SLC5A8: variants seen among roughly 807,000 people sequenced by gnomAD.
The protein encoded by SLC5A8 is solute carrier family 5 member 8, also known as sodium-coupled monocarboxylate transporter 1.
Under a neutral mutation model 71.9 loss-of-function variants are expected in SLC5A8, and 55 were observed. That is an observed-to-expected ratio of 0.77 (90% CI 0.62 to 0.96). SLC5A8 has a LOEUF of 0.96. Ranked by LOEUF, SLC5A8 falls within the 40% of genes least tolerant of loss-of-function variation. The probability of loss-of-function intolerance (pLI) is 0.00; values close to 1 mark genes in which losing one functional copy is unlikely to be tolerated. For missense variants in SLC5A8, 701 were observed against 745.3 expected (o/e 0.94, Z 0.69); for synonymous variants, 307 against 276.1 (o/e 1.11, Z -1.11).
At chr12:101,171,687 CCAAGTCT>C (rs2051831322) in intron 10 of SLC5A8, among the ~76,000 whole-genome samples, 1 of 152,084 alleles carries the variant, frequency 6.6e-6, no homozygotes, top group African/African-American at 2.4e-5. Flanking sequence ...CAGGTAGCGA[CCAAGTCT>C]GGACGGGAAG....
intron 10 of SLC5A8, among the ~76,000 whole-genome samples, chr12:101,175,314 G>A (rs2051869471): frequency 6.6e-6 from 1 of 152,090 alleles, no homozygotes; most frequent in Non-Finnish European, 1.5e-5. Flanking sequence ...TCAGGGATCT[G>A]TAGAACTATA....
At chr12:101,205,832 T>A (rs1179632367) in intron 1 of SLC5A8, among the ~76,000 whole-genome samples, 2 of 152,232 alleles carry the variant, frequency 1.3e-5, no homozygotes, top group Admixed American at 1.3e-4. Flanking sequence ...TTTTTCTGCA[T>A]ATATAAGTAA....
rs759926672 is a variant in SLC5A8, at chr12:101,195,168, GA to G, written c.470-7del. 5 of 1,613,264 alleles carry G rather than the reference GA, an allele frequency of 3.1e-6. No homozygotes were observed. Among genetic ancestry groups the G allele is most frequent in the African/African-American group, 2.7e-5 (2 of 74,804 alleles). On this transcript the variant is annotated splice_polypyrimidine_tract_variant and splice_region_variant and intron_variant, in intron 3 of 14. Transcript: ENST00000536262. ...CCACAGATCAAATCCTGTGACTGTA[GA>G]AAAAAATAGAATGCATATATAATTG... is the stretch of plus-strand genomic sequence containing the variant.
At chr12:101,193,359 A>G (rs988534263) in intron 5 of SLC5A8, among the ~76,000 whole-genome samples, 1 of 152,136 alleles carries the variant, frequency 6.6e-6, no homozygotes, top group African/African-American at 2.4e-5. Flanking sequence ...TAATACCTGG[A>G]AGAAAATACT....
chr12:101,167,354 T>C (rs139321921), intron 11 of SLC5A8, among the ~76,000 whole-genome samples: 4 of 152,322 alleles, frequency 2.6e-5, no homozygotes, highest in African/African-American at 9.6e-5. Context: ...CCTAATGCCT[T>C]ATAAGGAAAA....
chr12:101,203,182 C>G (rs1302765687), intron 2 of SLC5A8, among the ~76,000 whole-genome samples: 1 of 152,192 alleles, frequency 6.6e-6, no homozygotes, highest in Non-Finnish European at 1.5e-5. Context: ...TGCAAGCTAC[C>G]AGGCTCAAGT....
At chr12:101,158,584 CTCTCTCTCTCTCTCTA>C (rs1372185478) in intron 13 of SLC5A8, among the ~76,000 whole-genome samples, 40 of 46,806 alleles carry the variant, frequency 8.5e-4, no homozygotes, top group African/African-American at 2.2e-3. Flanking sequence ...CTCTCTCTCT[CTCTCTCTCTCTCTCTA>C]TATATATATA....
In SLC5A8 at chr12:101,186,513, A is replaced by G. The variant is rs149406196; in HGVS notation, c.963+873T>C. ...AGAACTCAGGCTTTAGGGTTGGGCA[A>G]TCCTGTGTTTGAATTCTAGTTCCCC... On this transcript the variant is annotated intron_variant, in intron 7 of 14. Coordinates refer to ENST00000536262, the MANE Select transcript of SLC5A8 (RefSeq NM_145913.5). Among the ~76,000 whole-genome samples, 659 of 152,312 alleles carry G rather than the reference A, an allele frequency of 4.3e-3. 5 individuals are homozygous for G. Among genetic ancestry groups the G allele is most frequent in the African/African-American group, 0.014 (601 of 41,556 alleles).
chr12:101,195,540 G>A (rs746804890), intron 3 of SLC5A8, among the ~76,000 whole-genome samples: 1 of 152,052 alleles, frequency 6.6e-6, no homozygotes, highest in African/African-American at 2.4e-5. Context: ...CTGAATTTGA[G>A]GATAATGTAT....
At chr12:101,168,618 A>G (rs1039133417) in intron 10 of SLC5A8, among the ~76,000 whole-genome samples, 1 of 152,214 alleles carries the variant, frequency 6.6e-6, no homozygotes, top group East Asian at 1.9e-4. Context: ...CCCATTTGCC[A>G]TTCCTGATTT....
chr12:101,187,244 T>C lies in SLC5A8; in HGVS notation c.963+142A>G, dbSNP rs1335006377. 35 of 950,108 alleles carry C rather than the reference T, an allele frequency of 3.7e-5. No individual in the cohort carries two copies. In the South Asian group the frequency reaches 7.4e-4, roughly 20 times the overall value. The allele number at this position is 950,108 out of a possible 1,614,324, so 58.9% of individuals were successfully genotyped here. On this transcript the variant is annotated intron_variant, in intron 7 of 14. Transcript: ENST00000536262. ...TGCTATATCTGCTAAAATAAATTCT[T>C]AACAAAGTTTTATAGAAATGTAAGA...
In SLC5A8 at chr12:101,166,714, T is replaced by C. The variant is rs77695900; in HGVS notation, c.1321-15A>G. The C allele has an allele frequency of 1.1e-3, 1,650 of 1,568,548 alleles. 12 individuals carry two copies. The African/African-American group carries it at 0.019, about 18-fold the overall frequency. On this transcript the variant is annotated splice_polypyrimidine_tract_variant and intron_variant, in intron 11 of 14. Transcript: ENST00000536262. Reference sequence around the variant, plus strand: ...ACAAGTGCTCCCTGTAAAACAAGAATGCCTTTAAAAGAAAAATAATACAAT... The same window carrying C: ...ACAAGTGCTCCCTGTAAAACAAGAACGCCTTTAAAAGAAAAATAATACAAT...
In SLC5A8 at chr12:101,157,313, T is replaced by G. The variant is rs776935844; in HGVS notation, c.1799A>C (p.Asp600Ala). 1.2e-6 allele frequency: 2 copies of G among 1,613,626 alleles called. No individual in the cohort carries two copies. The highest frequency in any genetic ancestry group is 2.2e-5 in the South Asian group (2 of 91,034). Residue 600 changes from aspartate to alanine, a missense_variant, in exon 15 of 15, where the codon GAT becomes GCT. Coordinates refer to ENST00000536262, the MANE Select transcript of SLC5A8 (RefSeq NM_145913.5). ...PAFNHIELNSDQSGKSNGTRL is the reference protein window; with the variant it reads ...PAFNHIELNSAQSGKSNGTRL The stretch of plus-strand genomic sequence containing the variant: ...AGTCCCATTGCTCTTGCCACTCTGA[T>G]CTGAGTTCAATTCAATGTGGTTGAA...
intron 8 of SLC5A8, 27 bp from the exon 9 acceptor site, chr12:101,182,942 T>C: frequency 9.9e-6 from 13 of 1,312,658 alleles, no homozygotes; most frequent in South Asian, 1.5e-5. Context: ...AACTTTTGAT[T>C]TATAATATTT....
intron 2 of SLC5A8, among the ~76,000 whole-genome samples, chr12:101,202,636 TA>T (rs902124848): frequency 1.3e-5 from 2 of 152,038 alleles, no homozygotes; most frequent in Non-Finnish European, 2.9e-5. Context: ...AAGAAAATAG[TA>T]AAAATTTGGA....
intron 3 of SLC5A8, among the ~76,000 whole-genome samples, chr12:101,198,784 C>G (rs1431966415): frequency 1.3e-5 from 2 of 151,780 alleles, no homozygotes; most frequent in Non-Finnish European, 3.0e-5. Context: ...ATTTATGAAG[C>G]CTTATCAAAA....
intron 3 of SLC5A8, among the ~76,000 whole-genome samples, chr12:101,198,731 A>G (rs190462121): frequency 1.3e-5 from 2 of 152,126 alleles, no homozygotes; most frequent in East Asian, 3.9e-4. Context: ...ACAATTTTAT[A>G]TAAACTATTT....
At chr12:101,166,109 G>A (rs947557255) in intron 12 of SLC5A8, among the ~76,000 whole-genome samples, 1 of 152,128 alleles carries the variant, frequency 6.6e-6, no homozygotes. Context: ...GTAGCTTTTG[G>A]TCAGTAAAAT....
chr12:101,173,438 G>A (rs1270632231), intron 10 of SLC5A8, among the ~76,000 whole-genome samples: 2 of 152,214 alleles, frequency 1.3e-5, no homozygotes, highest in African/African-American at 4.8e-5. Context: ...GGTGACACCT[G>A]TGGTGTGGCC....
Sources: gnomAD v4.1 joint callset for allele counts (sites outside exome capture counted in the v4.1 genomes callset) on GRCh38, gnomAD v4.1.1 for gene constraint, MANE v1.5 for transcripts, NCBI Gene and HGNC (gene_info 2026-07-23, HGNC 2026-07-21) for gene names.